ASB3: variants seen among roughly 807,000 people sequenced by gnomAD.
The protein encoded by ASB3 is ankyrin repeat and SOCS box protein 3.
In ASB3, 41 loss-of-function variants were observed where a neutral mutation model predicts 54.5. The ratio of observed to expected loss-of-function variants is 0.75; its 90% CI spans 0.59 to 0.98. ASB3 has a LOEUF of 0.98. Among genes scored for constraint, ASB3 ranks in the 50% least tolerant of loss-of-function variants. ASB3 has a pLI of 0.00. For missense variants in ASB3, 733 were observed against 620.0 expected, an observed-to-expected ratio of 1.18 and a Z score of -1.94; for synonymous variants, 266 against 221.2, an observed-to-expected ratio of 1.20 and a Z score of -1.80.
chr2:53,718,569 A>G (rs1670522948), intron 5 of ASB3, among the ~76,000 whole-genome samples: 1 of 152,216 alleles, frequency 6.6e-6, no homozygotes, highest in Admixed American at 6.5e-5. Context: ...AACACACTGA[A>G]GTACATAGCC....
chr2:53,684,115 T>C (rs1452585044), intron 9 of ASB3, among the ~76,000 whole-genome samples: 2 of 152,294 alleles, frequency 1.3e-5, no homozygotes, highest in East Asian at 1.9e-4. Context: ...TAAACCAGTG[T>C]CTGATACACA....
rs540854074 is a variant in ASB3 at position 53,703,299 on chromosome 2, G to A, written c.981-2771C>T. On this transcript the variant is annotated intron_variant, in intron 7 of 9. Coordinates refer to ENST00000263634, the MANE Select transcript of ASB3 (RefSeq NM_016115.5). The stretch of plus-strand genomic sequence containing the variant: ...TTTTTAGCTCCAAAGGACAAAAACT[G>A]CTTTTGTTGCAGGATCTATACAGTA... Among the ~76,000 whole-genome samples the A allele has an allele frequency of 7.9e-5, 12 of 152,294 alleles. 1 individual carries two copies. The South Asian group carries it at 2.1e-3, about 26-fold the overall frequency.
intron 3 of ASB3, among the ~76,000 whole-genome samples, chr2:53,744,368 G>A (rs1277032079): frequency 1.4e-5 from 2 of 140,224 alleles, no homozygotes; most frequent in Admixed American, 1.5e-4. Context: ...TGGGCAGACA[G>A]AGCGAGACTC....
At chr2:53,737,044 C>T (rs1159784874) in intron 3 of ASB3, among the ~76,000 whole-genome samples, 1 of 152,148 alleles carries the variant, frequency 6.6e-6, no homozygotes, top group African/African-American at 2.4e-5. Flanking sequence ...ATTCCCTCGC[C>T]AAATTGAATA....
chr2:53,743,495 T>C (rs1672049694), intron 3 of ASB3, among the ~76,000 whole-genome samples: 1 of 152,146 alleles, frequency 6.6e-6, no homozygotes, highest in South Asian at 2.1e-4. Flanking sequence ...GCATTTAAGA[T>C]GCCAGAACAA....
chr2:53,779,990 AGGTTACATGCT>A (rs1319792127), intron 1 of ASB3, among the ~76,000 whole-genome samples: 45 of 152,348 alleles, frequency 3.0e-4, no homozygotes, highest in African/African-American at 9.9e-4. Context: ...TGATAGTAAA[AGGTTACATGCT>A]GAAAGATTCT....
At chr2:53,695,911 T>C (rs191399025) in intron 8 of ASB3, among the ~76,000 whole-genome samples, 1 of 152,294 alleles carries the variant, frequency 6.6e-6, no homozygotes, top group Admixed American at 6.5e-5. Context: ...AATATGTTTA[T>C]AATTTACGTG....
intron 2 of ASB3, among the ~76,000 whole-genome samples, chr2:53,762,171 CTGTGTGTGTGTG>C (rs3062426): frequency 6.7e-6 from 1 of 149,710 alleles, no homozygotes; most frequent in Non-Finnish European, 1.5e-5. Flanking sequence ...AGTGATCTAA[CTGTGTGTGTGTG>C]TGTGTGTGTG....
chr2:53,706,070 T>A (rs1196230749), intron 7 of ASB3, among the ~76,000 whole-genome samples: 1 of 152,184 alleles, frequency 6.6e-6, no homozygotes, highest in Non-Finnish European at 1.5e-5. Flanking sequence ...GTTAGCTCAT[T>A]TGATCCTCAA....
intron 2 of ASB3, among the ~76,000 whole-genome samples, 167 bp downstream of exon 2, chr2:53,765,210 A>G (rs533066736): frequency 9.8e-5 from 15 of 152,358 alleles, no homozygotes; most frequent in Non-Finnish European, 2.2e-4. Flanking sequence ...TACTAATTGA[A>G]TCCAAGGCAG....
chr2:53,766,728 G>A (rs1252534938), intron 1 of ASB3, among the ~76,000 whole-genome samples: 1 of 152,052 alleles, frequency 6.6e-6, no homozygotes, highest in Non-Finnish European at 1.5e-5. Flanking sequence ...AAAAAAGAAG[G>A]GTTAGCAACC....
chr2:53,783,000 G>A, intron 1 of ASB3, among the ~76,000 whole-genome samples: 1 of 152,028 alleles, frequency 6.6e-6, no homozygotes, highest in East Asian at 1.9e-4. Context: ...TGGCCAGGCT[G>A]GTCTTGACCT....
intron 9 of ASB3, among the ~76,000 whole-genome samples, chr2:53,683,975 T>C (rs1668509360): frequency 6.6e-6 from 1 of 152,194 alleles, no homozygotes; most frequent in Non-Finnish European, 1.5e-5. Context: ...TCTTTATTAT[T>C]TCTTTTCTTC....
At chr2:53,684,134 G>A (rs1668516689) in intron 9 of ASB3, among the ~76,000 whole-genome samples, 1 of 152,144 alleles carries the variant, frequency 6.6e-6, no homozygotes, top group Non-Finnish European at 1.5e-5. Context: ...CAGCTGACAT[G>A]TAATCAAGGA....
chr2:53,728,881 A>C (rs1014665707), intron 4 of ASB3, 34 bp from the exon 5 acceptor site: 5 of 1,550,262 alleles, frequency 3.2e-6, no homozygotes, highest in Non-Finnish European at 4.3e-6. Context: ...AATAAGAAAA[A>C]AACAAAGAAA....
At chr2:53,673,076 TAGCTGGCCAGCTGC>T (rs1237281755) in intron 9 of ASB3, among the ~76,000 whole-genome samples, 1 of 151,774 alleles carries the variant, frequency 6.6e-6, no homozygotes, top group Non-Finnish European at 1.5e-5. Context: ...TTCTAGAGTG[TAGCTGGCCAGCTGC>T]AAACACAGAG....
intron 3 of ASB3, among the ~76,000 whole-genome samples, chr2:53,729,814 C>T (rs1671201199): frequency 6.6e-6 from 1 of 152,150 alleles, no homozygotes; most frequent in South Asian, 2.1e-4. Flanking sequence ...AAGAAGCAAA[C>T]ATTTATTCTC....
chr2:53,765,963 T>G (rs1169655677), intron 1 of ASB3, among the ~76,000 whole-genome samples: 2 of 151,974 alleles, frequency 1.3e-5, no homozygotes, highest in Admixed American at 1.3e-4. Flanking sequence ...GCACCTCTGC[T>G]TAATCCCCAG....
intron 1 of ASB3, among the ~76,000 whole-genome samples, chr2:53,766,869 G>A (rs1221280758): frequency 1.3e-5 from 2 of 152,018 alleles, no homozygotes; most frequent in Non-Finnish European, 2.9e-5. Flanking sequence ...TTGAATCTGA[G>A]TGTTTTAGCA....
Sources: allele counts gnomAD v4.1 joint callset (sites outside exome capture counted in the v4.1 genomes callset), GRCh38; gene constraint gnomAD v4.1.1; transcripts MANE v1.5; gene names NCBI Gene and HGNC (gene_info 2026-07-23, HGNC 2026-07-21).